Variants in LEMD3 observed in about 807,000 individuals in gnomAD.
The protein encoded by LEMD3 is inner nuclear membrane protein Man1.
LEMD3 carries 33 observed loss-of-function variants against 95.2 expected under a neutral mutation model. That is an observed-to-expected ratio of 0.35 (90% confidence interval 0.26 to 0.46). The LOEUF (loss-of-function observed/expected upper bound fraction) is 0.46. Among genes scored for constraint, LEMD3 ranks in the 20% least tolerant of loss-of-function variants. The pLI is 1.00. For synonymous variants in LEMD3, 525 were observed against 474.6 expected, an observed-to-expected ratio of 1.11 and a Z score of -1.38; for missense variants, 1,210 against 1,192.8, an observed-to-expected ratio of 1.01 and a Z score of -0.21.
Position 65,177,344 on chromosome 12 carries a change from A to G in LEMD3, c.1522+6226A>G, listed in dbSNP as rs540576997. Among the ~76,000 whole-genome samples, 10 of 152,322 alleles carry G rather than the reference A, an allele frequency of 6.6e-5. 1 individual carries two copies. Among genetic ancestry groups the G allele is most frequent in the Non-Finnish European group, 1.5e-4 (10 of 68,026 alleles). ...TGGGCCTATGAATGAAATTCATTTG[A>G]AGAAAGACATATGGTTTTGAGTATA... On this transcript the variant is annotated intron_variant, in intron 1 of 12. Transcript: ENST00000308330.
At chr12:65,243,596 T>G in intron 10 of LEMD3, 127 bp downstream of exon 10, 1 of 705,000 alleles carries the variant, frequency 1.4e-6, no homozygotes, top group Non-Finnish European at 2.6e-6. Context: ...ACCACAGAAA[T>G]GTTATGTTTT....
chr12:65,195,224 G>A (rs116106158), intron 1 of LEMD3, among the ~76,000 whole-genome samples: 3,761 of 152,068 alleles, frequency 0.025, 107 homozygotes, highest in African/African-American at 0.064. Flanking sequence ...TCTTTAAGCC[G>A]ATTAAATGGA....
chr12:65,210,397 A>G (rs1349070899), intron 1 of LEMD3, among the ~76,000 whole-genome samples: 2 of 152,126 alleles, frequency 1.3e-5, no homozygotes, highest in African/African-American at 2.4e-5. Flanking sequence ...TTCTTAGTCT[A>G]TATTATGAAG....
Position 65,170,398 on chromosome 12 carries a change from G to T in LEMD3, c.802G>T (p.Asp268Tyr). 5.0e-6 allele frequency: 8 copies of T among 1,614,092 alleles called. No individual in the cohort carries two copies. Among genetic ancestry groups the T allele is most frequent in the Non-Finnish European group, 6.8e-6 (8 of 1,180,002 alleles). ...YSDSEEEDDD[D>Y]VASSRQVLKD... is the part of the protein sequence containing the mutation. ...GGACTCAGAGGAAGAGGACGACGAC[G>T]ACGTGGCCTCCAGCAGACAGGTATT... is the stretch of plus-strand genomic sequence containing the variant. Residue 268 changes from aspartate to tyrosine, a missense_variant, in exon 1 of 13, where the codon GAC becomes TAC. This residue lies in a region of LEMD3 where 749 missense variants were observed against 622.9 expected (regional missense o/e 1.20). Coordinates refer to ENST00000308330, the MANE Select transcript of LEMD3 (RefSeq NM_014319.5).
At chr12:65,198,063 A>G (rs1592440221) in intron 1 of LEMD3, among the ~76,000 whole-genome samples, 1 of 152,164 alleles carries the variant, frequency 6.6e-6, no homozygotes, top group East Asian at 1.9e-4. Context: ...AATGATGTGC[A>G]CATTTGTGCA....
chr12:65,238,676 G>A lies in LEMD3; in HGVS notation c.1783G>A (p.Gly595Ser), dbSNP rs758347889. The stretch of plus-strand genomic sequence containing the variant: ...TTACTTATTTTTAAATAGGTGTGTT[G>A]GTTTTGGCCCTGAGGAAGAATTGAC... ...NGKDVGIRCV[G>S]FGPEEELTNI... The change falls in exon 6 of 13, where the codon GGT (glycine) becomes AGT (serine). Residue 595 changes from glycine (G) to serine (S), a missense_variant. Coordinates refer to ENST00000308330, the MANE Select transcript of LEMD3 (RefSeq NM_014319.5). 5.6e-6 allele frequency: 9 copies of A among 1,613,918 alleles called. No individual in the cohort carries two copies. The highest frequency in any genetic ancestry group is 7.6e-6 in the Non-Finnish European group (9 of 1,179,952).
At chr12:65,246,001 A>G in intron 12 of LEMD3, 62 bp downstream of exon 12, 7 of 1,370,202 alleles carry the variant, frequency 5.1e-6, no homozygotes, top group South Asian at 1.2e-5. Context: ...TTTAAACTAT[A>G]CCAGATTTCA....
At chr12:65,177,899 A>G (rs569209331) in intron 1 of LEMD3, among the ~76,000 whole-genome samples, 26 of 149,342 alleles carry the variant, frequency 1.7e-4, no homozygotes, top group Non-Finnish European at 3.1e-4. Context: ...GTTGGATTGC[A>G]GTGGTGTGAT....
chr12:65,214,180 T>C (rs1870031393), intron 2 of LEMD3, among the ~76,000 whole-genome samples: 1 of 152,106 alleles, frequency 6.6e-6, no homozygotes, highest in Non-Finnish European at 1.5e-5. Flanking sequence ...TTCTCCTGCC[T>C]CAGCCTCCCA....
At position 65,246,390 on chromosome 12, in the gene LEMD3, C is replaced by A; in HGVS notation, c.*65C>A. 7.8e-7 allele frequency: 1 copy of A among 1,278,808 alleles called. No homozygotes were observed. The highest frequency in any genetic ancestry group is 1.1e-6 in the Non-Finnish European group (1 of 881,014). 79.2% of individuals were successfully genotyped at this position (1,278,808 alleles called of 1,614,324 possible). A position where few individuals can be genotyped will look rare whatever the true frequency, so the allele number is the denominator to read the frequency against. ...GGAAAATTCCTGTTTGGCTTTTTGT[C>A]TTCCTTTTTAAATGCTTTTTGTATG... On this transcript the variant is annotated 3_prime_UTR_variant, in exon 13 of 13. Transcript: ENST00000308330.
intron 1 of LEMD3, among the ~76,000 whole-genome samples, chr12:65,198,871 G>A (rs961547064): frequency 6.6e-6 from 1 of 151,944 alleles, no homozygotes; most frequent in Non-Finnish European, 1.5e-5. Flanking sequence ...TCTGAAGTTG[G>A]TTGAGTTCTT....
At position 65,241,030 on chromosome 12, in the gene LEMD3, C is replaced by G; in HGVS notation, c.2248C>G (p.Pro750Ala). Reference protein sequence around the residue: ...ADFLVWRWIQPSASCDKILVI... With the variant: ...ADFLVWRWIQASASCDKILVI... The stretch of plus-strand genomic sequence containing the variant: ...TTTTCTGGTTTGGCGGTGGATCCAG[C>G]CTTCTGCATCCTGTGACAAAATATT... Residue 750 changes from proline (P) to alanine (A), a missense_variant, in exon 9 of 13, where the codon CCT becomes GCT. Transcript: ENST00000308330. The G allele has an allele frequency of 1.2e-6, 2 of 1,613,924 alleles. No homozygotes were observed. The highest frequency in any genetic ancestry group is 1.7e-6 in the Non-Finnish European group (2 of 1,179,866).
chr12:65,235,477 C>T (rs1422198680), intron 4 of LEMD3, among the ~76,000 whole-genome samples: 1 of 151,988 alleles, frequency 6.6e-6, no homozygotes, highest in Non-Finnish European at 1.5e-5. Flanking sequence ...ATGGGTTTTG[C>T]ATCCATGGAT....
intron 4 of LEMD3, among the ~76,000 whole-genome samples, chr12:65,224,161 G>A (rs1288432558): frequency 2.0e-5 from 3 of 152,010 alleles, no homozygotes; most frequent in Admixed American, 6.6e-5. Flanking sequence ...CAGTGTTACA[G>A]TATTCTGATT....
At chr12:65,230,118 C>T (rs10878250) in intron 4 of LEMD3, among the ~76,000 whole-genome samples, 71,688 of 151,886 alleles carry the variant, frequency 0.47, 17,630 homozygotes, top group African/African-American at 0.61. Context: ...GCTGTAAATA[C>T]GTGGATTTAT....
chr12:65,246,484 G>T lies in LEMD3; in HGVS notation c.*159G>T. On this transcript the variant is annotated 3_prime_UTR_variant, in exon 13 of 13. Coordinates refer to ENST00000308330, the MANE Select transcript of LEMD3 (RefSeq NM_014319.5). ...CTTAAGGTTCCAAAGGGATTTAGCA[G>T]TGAGGCAGCAATGCTGAGTAGGTAG... The T allele has an allele frequency of 1.5e-6, 1 of 668,022 alleles. No homozygotes were observed. The highest frequency in any genetic ancestry group is 2.6e-6 in the Non-Finnish European group (1 of 379,014). The allele number at this position is 668,022 out of a possible 1,614,324, so 41.4% of individuals were successfully genotyped here. A position where few individuals can be genotyped will look rare whatever the true frequency, so the allele number is the denominator to read the frequency against.
At chr12:65,177,294 G>A (rs1868752551) in intron 1 of LEMD3, among the ~76,000 whole-genome samples, 2 of 152,208 alleles carry the variant, frequency 1.3e-5, no homozygotes, top group Admixed American at 1.3e-4. Context: ...GACACCTGAA[G>A]GAGGTGGATA....
intron 1 of LEMD3, among the ~76,000 whole-genome samples, chr12:65,177,095 C>G (rs1868742820): frequency 6.6e-6 from 1 of 152,162 alleles, no homozygotes; most frequent in Admixed American, 6.5e-5. Flanking sequence ...ACTGTAAATT[C>G]TCAAATGATC....
intron 1 of LEMD3, among the ~76,000 whole-genome samples, chr12:65,189,086 G>T (rs537201077): frequency 3.9e-5 from 6 of 152,122 alleles, no homozygotes; most frequent in African/African-American, 1.2e-4. Flanking sequence ...ATTAGGCACA[G>T]TTAAGAGATT....
Sources: gnomAD v4.1 joint callset for allele counts (sites outside exome capture counted in the v4.1 genomes callset) on GRCh38, gnomAD v4.1.1 for gene constraint, gnomAD v4.1.1 regional missense constraint, MANE v1.5 for transcripts, NCBI Gene and HGNC (gene_info 2026-07-23, HGNC 2026-07-21) for gene names.